The following FRAS1 variants were observed in gnomAD, a reference collection of about 807,000 sequenced individuals.
FRAS1 encodes extracellular matrix organizing protein FRAS1.
FRAS1 carries 290 observed loss-of-function variants against 435.2 expected under a neutral mutation model. That is an observed-to-expected ratio of 0.67 (90% CI 0.61 to 0.73). The LOEUF (loss-of-function observed/expected upper bound fraction) is 0.73, where lower values mean the gene tolerates loss of function less well. FRAS1 is among the 30% of genes least tolerant of loss of function. The probability of loss-of-function intolerance (pLI) is 0.00; values close to 1 mark genes in which losing one functional copy is unlikely to be tolerated. For synonymous variants in FRAS1, 1,800 were observed against 1,851.0 expected (o/e 0.97, Z 0.71); for missense variants, 4,860 against 5,001.5 (o/e 0.97, Z 0.85).
At chr4:78,307,571 A>C (rs2110218939) in intron 14 of FRAS1, among the ~76,000 whole-genome samples, 1 of 152,326 alleles carries the variant, frequency 6.6e-6, no homozygotes, top group South Asian at 2.1e-4. Flanking sequence ...GCCGTTTTTT[A>C]AGCCCGTCGG....
intron 2 of FRAS1, among the ~76,000 whole-genome samples, chr4:78,116,145 T>C (rs1310671531): frequency 1.3e-5 from 2 of 152,216 alleles, no homozygotes; most frequent in Non-Finnish European, 2.9e-5. Flanking sequence ...CAGTTTTGAG[T>C]GAGTGTCTTA....
At chr4:78,197,399 T>C (rs1229375195) in intron 2 of FRAS1, among the ~76,000 whole-genome samples, 1 of 152,204 alleles carries the variant, frequency 6.6e-6, no homozygotes, top group Non-Finnish European at 1.5e-5. Flanking sequence ...TACAATAAGA[T>C]GTCACAATTA....
chr4:78,229,310 T>C (rs1374776089), intron 2 of FRAS1, among the ~76,000 whole-genome samples: 1 of 151,976 alleles, frequency 6.6e-6, no homozygotes, highest in Non-Finnish European at 1.5e-5. Context: ...GTCCTTGTTT[T>C]TTTTTTTTTT....
At chr4:78,540,508 A>G (rs773817583) in intron 73 of FRAS1, 23 bp from the exon 74 acceptor site, 3 of 1,454,858 alleles carry the variant, frequency 2.1e-6, no homozygotes, top group East Asian at 4.6e-5. Flanking sequence ...CAACAACAAC[A>G]TGTTCGGTTT....
At chr4:78,174,428 T>C (rs1052622013) in intron 2 of FRAS1, among the ~76,000 whole-genome samples, 2 of 152,198 alleles carry the variant, frequency 1.3e-5, no homozygotes, top group Non-Finnish European at 2.9e-5. Context: ...ATGTAACACT[T>C]CCTACCAATG....
At chr4:78,409,193 A>G (rs1277758179) in intron 31 of FRAS1, among the ~76,000 whole-genome samples, 6 of 150,378 alleles carry the variant, frequency 4.0e-5, no homozygotes, top group Non-Finnish European at 5.9e-5. Flanking sequence ...TATTATAAAT[A>G]TAATTATAAA....
intron 2 of FRAS1, among the ~76,000 whole-genome samples, chr4:78,190,259 T>A (rs1260300492): frequency 2.0e-5 from 3 of 152,188 alleles, no homozygotes; most frequent in Non-Finnish European, 4.4e-5. Context: ...TCAAATTTGT[T>A]ACTAGCCCAA....
At chr4:78,489,828 C>G (rs1418698340) in intron 59 of FRAS1, among the ~76,000 whole-genome samples, 1 of 152,014 alleles carries the variant, frequency 6.6e-6, no homozygotes. Context: ...GCACCCCTGT[C>G]CCAGGGAAAC....
intron 41 of FRAS1, 87 bp from the exon 42 acceptor site, chr4:78,445,435 C>T: frequency 1.4e-6 from 2 of 1,418,400 alleles, no homozygotes; most frequent in Admixed American, 5.6e-5. Flanking sequence ...TTTTTTTTTG[C>T]CGAAAATGAT....
intron 18 of FRAS1, among the ~76,000 whole-genome samples, chr4:78,323,496 C>T (rs1729589738): frequency 6.6e-6 from 1 of 152,176 alleles, no homozygotes; most frequent in Admixed American, 6.5e-5. Context: ...AAACCTGCAT[C>T]CCCCAAAACA....
chr4:78,343,876 CAGCTT>C (rs1330791094), intron 20 of FRAS1, among the ~76,000 whole-genome samples: 1 of 152,172 alleles, frequency 6.6e-6, no homozygotes, highest in Non-Finnish European at 1.5e-5. Flanking sequence ...TGTTTTAAAG[CAGCTT>C]CTACTGTGCG....
chr4:78,165,477 C>T (rs1409644874), intron 2 of FRAS1, among the ~76,000 whole-genome samples: 1 of 152,172 alleles, frequency 6.6e-6, no homozygotes, highest in Admixed American at 6.5e-5. Flanking sequence ...TATCACTTTA[C>T]TGCTCAAGGC....
At chr4:78,180,915 G>GT in intron 2 of FRAS1, 3 of 1,605,706 alleles carry the variant, frequency 1.9e-6, no homozygotes, top group Non-Finnish European at 2.6e-6. Flanking sequence ...AGGAGCAGAA[G>GT]TACTTGACTT....
chr4:78,489,395 G>A (rs761564040), intron 59 of FRAS1, among the ~76,000 whole-genome samples: 2 of 152,046 alleles, frequency 1.3e-5, no homozygotes, highest in South Asian at 2.1e-4. Flanking sequence ...AAATAAACTA[G>A]AGAAAAAATG....
rs1184781924 is a variant in FRAS1 at position 78,513,547 on chromosome 4, T to C, written c.10169T>C (p.Ile3390Thr). Reference sequence around the variant, plus strand: ...GTTACCACCTATGACCTGAGAGGCATCTCAGGTGAGATTGACAAGTTCAGG... The same window carrying C: ...GTTACCACCTATGACCTGAGAGGCACCTCAGGTGAGATTGACAAGTTCAGG... ...NLVTTYDLRG[I>T]SEAGFLDDVV... Residue 3390 changes from isoleucine (I) to threonine (T), a missense_variant, in exon 65 of 74, where the codon ATC becomes ACC. Physicochemically the swap from Ile to Thr is moderately conservative, Grantham distance 89 (BLOSUM62 -1). Transcript: ENST00000512123. The C allele has an allele frequency of 6.2e-7, 1 of 1,613,390 alleles. No homozygotes were observed. Among genetic ancestry groups the C allele is most frequent in the Admixed American group, 1.7e-5 (1 of 60,018 alleles).
intron 2 of FRAS1, among the ~76,000 whole-genome samples, chr4:78,093,190 T>C (rs1008167509): frequency 7.9e-5 from 12 of 152,160 alleles, no homozygotes; most frequent in Admixed American, 5.9e-4. Flanking sequence ...ACCAGAACAA[T>C]TAGATATGCA....
chr4:78,486,461 A>T (rs761918571), intron 58 of FRAS1, among the ~76,000 whole-genome samples: 2 of 152,192 alleles, frequency 1.3e-5, no homozygotes, highest in Non-Finnish European at 2.9e-5. Context: ...CGTTATACCC[A>T]ATGTGAGCCC....
At chr4:78,174,970 A>G (rs1401817554) in intron 2 of FRAS1, among the ~76,000 whole-genome samples, 1 of 152,242 alleles carries the variant, frequency 6.6e-6, no homozygotes, top group Admixed American at 6.5e-5. Context: ...TTGAGGCAGA[A>G]AGGCATTACT....
intron 29 of FRAS1, 32 bp from the exon 30 acceptor site, chr4:78,400,702 G>A: frequency 2.5e-6 from 4 of 1,600,102 alleles, no homozygotes; most frequent in South Asian, 1.1e-5. Context: ...TACTTTGCTT[G>A]GAACTAATTC....
Sources: allele counts gnomAD v4.1 joint callset (sites outside exome capture counted in the v4.1 genomes callset), GRCh38; gene constraint gnomAD v4.1.1; transcripts MANE v1.5; gene names NCBI Gene and HGNC (gene_info 2026-07-23, HGNC 2026-07-21).